The following GABBR1 variants were observed in gnomAD, a reference collection of about 807,000 sequenced individuals.
GABBR1 encodes gamma-aminobutyric acid type B receptor subunit 1.
Under a neutral mutation model 117.7 loss-of-function variants are expected in GABBR1, and 35 were observed. The ratio of observed to expected loss-of-function variants is 0.30; its 90% CI spans 0.23 to 0.39. The LOEUF (loss-of-function observed/expected upper bound fraction) is 0.39, where lower values mean the gene tolerates loss of function less well. Ranked by LOEUF, GABBR1 falls within the 10% of genes least tolerant of loss-of-function variation. The pLI, the probability that GABBR1 is intolerant of heterozygous loss-of-function variation, is 1.00. For synonymous variants in GABBR1, 442 were observed against 486.6 expected (o/e 0.91, Z 1.21); for missense variants, 709 against 1,241.8 (o/e 0.57, Z 6.45).
In GABBR1 at chr6:29,632,885, G is replaced by A; in HGVS notation, c.-36C>T. 3.9e-6 allele frequency: 1 copy of A among 255,098 alleles called. No homozygotes were observed. The highest frequency in any genetic ancestry group is 7.6e-6 in the Non-Finnish European group (1 of 130,730). The allele number at this position is 255,098 out of a possible 1,614,324, so 15.8% of individuals were successfully genotyped here. On this transcript the variant is annotated 5_prime_UTR_variant, in exon 1 of 23. Transcript: ENST00000377034. The surrounding 1 kb of genome is among the most constrained non-coding windows in gnomAD (Gnocchi z 5.8). ...GGGCCCGGCTCCCCGGCTCTCCCCG[G>A]GCCTCAAGGCCCCAGGCCCGGCCGC... is the stretch of plus-strand genomic sequence containing the variant.
intron 6 of GABBR1, 137 bp from the exon 7 acceptor site, chr6:29,624,161 CT>C: frequency 1.1e-6 from 1 of 883,118 alleles, no homozygotes; most frequent in East Asian, 2.8e-5. Context: ...TTTTCTTCTC[CT>C]TTCTGGCATC....
intron 12 of GABBR1, 23 bp from the exon 13 acceptor site, chr6:29,612,637 C>T (rs1295988432): frequency 1.2e-6 from 2 of 1,608,932 alleles, no homozygotes; most frequent in Middle Eastern, 1.7e-4. Context: ...ACATGTGGAG[C>T]AAGGCAAAGG....
intron 12 of GABBR1, among the ~76,000 whole-genome samples, chr6:29,612,928 T>C (rs1762703298): frequency 6.6e-6 from 1 of 152,224 alleles, no homozygotes; most frequent in Non-Finnish European, 1.5e-5. Context: ...CTTTTCATTT[T>C]AAAAGGAATA....
chr6:29,627,437 C>T lies in GABBR1; in HGVS notation c.657+49G>A. ...GGGGGCGCGTGCAGCTGGCTGGCCC[C>T]CTGCCCCGCAAGCCCCCACCTCCCA... On this transcript the variant is annotated intron_variant, in intron 6 of 22. Transcript: ENST00000377034. The surrounding 1 kb of genome is among the most constrained non-coding windows in gnomAD (Gnocchi z 4.4). The T allele has an allele frequency of 6.6e-7, 1 of 1,515,770 alleles. No homozygotes were observed. Among genetic ancestry groups the T allele is most frequent in the South Asian group, 1.2e-5 (1 of 83,200 alleles). 93.9% of individuals were successfully genotyped at this position (1,515,770 alleles called of 1,614,324 possible).
chr6:29,604,755 A>G lies in GABBR1; in HGVS notation c.2568+105T>C. On this transcript the variant is annotated intron_variant, in intron 21 of 22. Transcript: ENST00000377034. The surrounding 1 kb of genome is among the most constrained non-coding windows in gnomAD (Gnocchi z 5.3). Reference sequence around the variant, plus strand: ...GAGTTGGGCCCAAAACAAGGGGAGGAGTGAGAGGAGGGTGAACGGAAGGGC... The same window carrying G: ...GAGTTGGGCCCAAAACAAGGGGAGGGGTGAGAGGAGGGTGAACGGAAGGGC... 1.3e-6 allele frequency: 2 copies of G among 1,585,982 alleles called. No homozygotes were observed. Among genetic ancestry groups the G allele is most frequent in the Non-Finnish European group, 1.7e-6 (2 of 1,161,308 alleles).
rs1278023269 is a variant in GABBR1 at position 29,613,159 on chromosome 6, G to A, written c.1566+84C>T. ...CAAAGAAGTAACTGAGAAAAACAGAGAATGCATGTTTGTAGAAGGTGCCTC... is the reference window on the plus strand; with the variant it reads ...CAAAGAAGTAACTGAGAAAAACAGAAAATGCATGTTTGTAGAAGGTGCCTC... On this transcript the variant is annotated intron_variant, in intron 12 of 22. Transcript: ENST00000377034. The surrounding 1 kb of genome is among the most constrained non-coding windows in gnomAD (Gnocchi z 4.1). The A allele has an allele frequency of 7.1e-7, 1 of 1,400,066 alleles. No individual in the cohort carries two copies. Among genetic ancestry groups the A allele is most frequent in the East Asian group, 2.3e-5 (1 of 43,538 alleles). The allele number at this position is 1,400,066 out of a possible 1,614,324, so 86.7% of individuals were successfully genotyped here. A position where few individuals can be genotyped will look rare whatever the true frequency, so the allele number is the denominator to read the frequency against.
In GABBR1 at chr6:29,631,490, A is replaced by G. The variant is rs1764965924; in HGVS notation, c.195T>C (p.Tyr65=). The G allele has an allele frequency of 1.2e-6, 2 of 1,614,144 alleles. No individual in the cohort carries two copies. Among genetic ancestry groups the G allele is most frequent in the African/African-American group, 2.7e-5 (2 of 75,038 alleles). ...NFLPVDYEIE[Y]VCRGEREVVG... is the part of the protein sequence containing the mutation. The stretch of plus-strand genomic sequence containing the variant: ...CCACCTCGCGCTCCCCCCGGCACAC[A>G]TACTCAATCTCATAGTCCACTGGCA... Residue 65 remains tyrosine (Y), a synonymous_variant, in exon 3 of 23, where the codon TAT becomes TAC. Coordinates refer to ENST00000377034, the MANE Select transcript of GABBR1 (RefSeq NM_001470.4). This position sits in a 1 kb window ranked among gnomAD's most constrained non-coding sequence, Gnocchi z 5.9.
rs1762714169 is a variant in GABBR1 at position 29,613,037 on chromosome 6, G to A, written c.1566+206C>T. ...AGTTTGAAAAGAAATGAGGGGAGGG[G>A]TTTAAAAAAATGGAATACATCATTT... On this transcript the variant is annotated intron_variant, in intron 12 of 22. Coordinates refer to ENST00000377034, the MANE Select transcript of GABBR1 (RefSeq NM_001470.4). The surrounding 1 kb of genome is among the most constrained non-coding windows in gnomAD (Gnocchi z 4.1). Among the ~76,000 whole-genome samples, 1 of 152,144 alleles carries A rather than the reference G, an allele frequency of 6.6e-6. No homozygotes were observed. The highest frequency in any genetic ancestry group is 2.4e-5 in the African/African-American group (1 of 41,430).
In GABBR1 at chr6:29,602,555, T is replaced by C. The variant is rs11555654; in HGVS notation, c.*988A>G. The stretch of plus-strand genomic sequence containing the variant: ...GGGGAATCTGAGCAGAAATGGAGAT[T>C]CTGTGACAAGGAGAGGGTGTGGATG... On this transcript the variant is annotated 3_prime_UTR_variant, in exon 23 of 23. Transcript: ENST00000377034. 3,178 of 174,012 alleles carry C rather than the reference T, an allele frequency of 0.018. 60 individuals are homozygous for C. The highest frequency in any genetic ancestry group is 0.049 in the African/African-American group (2,037 of 41,930). 10.8% of individuals were successfully genotyped at this position (174,012 alleles called of 1,614,324 possible). A position where few individuals can be genotyped will look rare whatever the true frequency, so the allele number is the denominator to read the frequency against.
chr6:29,606,593 T>A lies in GABBR1; in HGVS notation c.2218-109A>T. 1.3e-6 allele frequency: 1 copy of A among 798,790 alleles called. No individual in the cohort carries two copies. The highest frequency in any genetic ancestry group is 2.2e-6 in the Non-Finnish European group (1 of 455,074). The allele number at this position is 798,790 out of a possible 1,614,324, so 49.5% of individuals were successfully genotyped here. ...TGTTTTCCTATGAGACCCTCAATGC[T>A]GATGCCAAATCTCATTCTAGGCCTA... On this transcript the variant is annotated intron_variant, in intron 18 of 22. Coordinates refer to ENST00000377034, the MANE Select transcript of GABBR1 (RefSeq NM_001470.4). This position sits in a 1 kb window ranked among gnomAD's most constrained non-coding sequence, Gnocchi z 4.5.
In GABBR1 at chr6:29,623,824, C is replaced by G; in HGVS notation, c.792+66G>C. 1.3e-6 allele frequency: 2 copies of G among 1,541,090 alleles called. No individual in the cohort carries two copies. The highest frequency in any genetic ancestry group is 1.8e-6 in the Non-Finnish European group (2 of 1,135,044). ...CTTTTCAATACAAACCCACAATCGCCATCGTCCCTTCAGTAGAGCTCAAAA... is the reference window on the plus strand; with the variant it reads ...CTTTTCAATACAAACCCACAATCGCGATCGTCCCTTCAGTAGAGCTCAAAA... On this transcript the variant is annotated intron_variant, in intron 7 of 22. Coordinates refer to ENST00000377034, the MANE Select transcript of GABBR1 (RefSeq NM_001470.4). This position sits in a 1 kb window ranked among gnomAD's most constrained non-coding sequence, Gnocchi z 6.2.
In GABBR1 at chr6:29,621,034, C is replaced by T. The variant is rs969158667; in HGVS notation, c.1323+67G>A. The T allele has an allele frequency of 7.0e-7, 1 of 1,424,152 alleles. No homozygotes were observed. The highest frequency in any genetic ancestry group is 9.6e-7 in the Non-Finnish European group (1 of 1,039,336). The allele number at this position is 1,424,152 out of a possible 1,614,324, so 88.2% of individuals were successfully genotyped here. A position where few individuals can be genotyped will look rare whatever the true frequency, so the allele number is the denominator to read the frequency against. ...CGCACCCTCTCCCTGCCACCCTTTC[C>T]CCTGCAAGGCCCCCTCAGTCCTCTC... On this transcript the variant is annotated intron_variant, in intron 11 of 22. Transcript: ENST00000377034. The surrounding 1 kb of genome is among the most constrained non-coding windows in gnomAD (Gnocchi z 5.0).
rs759457859 is a variant in GABBR1, at chr6:29,606,924, G to A, written c.2190C>T (p.Ile730=). 10 of 1,614,000 alleles carry A rather than the reference G, an allele frequency of 6.2e-6. No individual in the cohort carries two copies. Among genetic ancestry groups the A allele is most frequent in the East Asian group, 4.5e-5 (2 of 44,890 alleles). The change falls in exon 18 of 23, where the codon ATC becomes ATT. Residue 730 remains isoleucine (I), a synonymous_variant. Transcript: ENST00000377034. The surrounding 1 kb of genome is among the most constrained non-coding windows in gnomAD (Gnocchi z 4.5). ...MDVLTLAIWQ[I]VDPLHRTIET... Reference sequence around the variant, plus strand: ...CAATGGTCCGGTGCAGAGGGTCCACGATCTGCCAGATGGCGAGAGTGAGGA... The same window carrying A: ...CAATGGTCCGGTGCAGAGGGTCCACAATCTGCCAGATGGCGAGAGTGAGGA...
chr6:29,632,027 T>C lies in GABBR1; in HGVS notation c.85+274A>G, dbSNP rs533956847. ...GACCAAGAAAAGGGAGTAATTGAGGTAGTAATGTGGGGCTGGGAAAGGGGA... is the reference window on the plus strand; with the variant it reads ...GACCAAGAAAAGGGAGTAATTGAGGCAGTAATGTGGGGCTGGGAAAGGGGA... On this transcript the variant is annotated intron_variant, in intron 2 of 22. Transcript: ENST00000377034. This position sits in a 1 kb window ranked among gnomAD's most constrained non-coding sequence, Gnocchi z 5.8. Among the ~76,000 whole-genome samples, 1 of 146,372 alleles carries C rather than the reference T, an allele frequency of 6.8e-6. No individual in the cohort carries two copies. The highest frequency in any genetic ancestry group is 2.5e-5 in the African/African-American group (1 of 39,594).
intron 6 of GABBR1, among the ~76,000 whole-genome samples, chr6:29,625,025 G>A (rs964239016): frequency 6.6e-6 from 1 of 151,994 alleles, no homozygotes; most frequent in African/African-American, 2.4e-5. Context: ...AGGAAATAAA[G>A]AAAGCACTCT....
At position 29,613,166 on chromosome 6, in the gene GABBR1, T is replaced by C. The variant is rs1762730217; in HGVS notation, c.1566+77A>G. On this transcript the variant is annotated intron_variant, in intron 12 of 22. Transcript: ENST00000377034. This position sits in a 1 kb window ranked among gnomAD's most constrained non-coding sequence, Gnocchi z 4.1. Reference sequence around the variant, plus strand: ...GTAACTGAGAAAAACAGAGAATGCATGTTTGTAGAAGGTGCCTCTTGGGAG... The same window carrying C: ...GTAACTGAGAAAAACAGAGAATGCACGTTTGTAGAAGGTGCCTCTTGGGAG... The C allele has an allele frequency of 6.9e-7, 1 of 1,457,162 alleles. No homozygotes were observed. The highest frequency in any genetic ancestry group is 9.5e-7 in the Non-Finnish European group (1 of 1,050,764). 90.3% of individuals were successfully genotyped at this position (1,457,162 alleles called of 1,614,324 possible). A position where few individuals can be genotyped will look rare whatever the true frequency, so the allele number is the denominator to read the frequency against.
chr6:29,622,066 C>T lies in GABBR1; in HGVS notation c.1065+38G>A. On this transcript the variant is annotated intron_variant, in intron 9 of 22. Transcript: ENST00000377034. This position sits in a 1 kb window ranked among gnomAD's most constrained non-coding sequence, Gnocchi z 4.6. Reference sequence around the variant, plus strand: ...CCAGTCACTGTCCCCCAGCTTGGTCCCTCCGTAAACAGAGCCCACCACTCC... The same window carrying T: ...CCAGTCACTGTCCCCCAGCTTGGTCTCTCCGTAAACAGAGCCCACCACTCC... The T allele has an allele frequency of 6.4e-7, 1 of 1,554,218 alleles. No individual in the cohort carries two copies. Among genetic ancestry groups the T allele is most frequent in the South Asian group, 1.1e-5 (1 of 89,770 alleles).
rs1038845573 is a variant in GABBR1 at position 29,610,347 on chromosome 6, C to T, written c.1708+577G>A. On this transcript the variant is annotated intron_variant, in intron 14 of 22. Transcript: ENST00000377034. ...CCTATTAGGTACAAGGTGCACTGTT[C>T]GGGTGACAGGCACACTAAACGCCCG... is the stretch of plus-strand genomic sequence containing the variant. 3.9e-5 allele frequency among the ~76,000 whole-genome samples: 6 copies of T among 152,074 alleles called. No homozygotes were observed. The East Asian group carries it at 1.2e-3, about 29-fold the overall frequency.
rs12189690 is a variant in GABBR1 at position 29,604,929 on chromosome 6, G to A, written c.2499C>T (p.Ala833=). 1.4e-5 allele frequency: 23 copies of A among 1,613,154 alleles called. No individual in the cohort carries two copies. Among genetic ancestry groups the A allele is most frequent in the Non-Finnish European group, 1.9e-5 (22 of 1,179,972 alleles). ...CTATGGCAAGAGAGGCAAAGGCAAA[G>A]GCTGCATCCTGCTGGCTGGACAGAA... is the stretch of plus-strand genomic sequence containing the variant. ...TMILSSQQDA[A]FAFASLAIVF... is the part of the protein sequence containing the mutation. The change falls in exon 21 of 23, where the codon GCC becomes GCT. Residue 833 remains alanine, a synonymous_variant. Transcript: ENST00000377034. This position sits in a 1 kb window ranked among gnomAD's most constrained non-coding sequence, Gnocchi z 5.3.
Sources: allele counts gnomAD v4.1 joint callset (sites outside exome capture counted in the v4.1 genomes callset), GRCh38; gene constraint gnomAD v4.1.1; non-coding constraint Gnocchi (gnomAD v3.1); transcripts MANE v1.5; gene names NCBI Gene and HGNC (gene_info 2026-07-23, HGNC 2026-07-21).